The following SCAI variants were observed in gnomAD, a reference collection of about 807,000 sequenced individuals.
The protein encoded by SCAI is protein SCAI.
Under a neutral mutation model 92.2 loss-of-function variants are expected in SCAI, and 24 were observed. The ratio of observed to expected loss-of-function variants is 0.26; its 90% CI spans 0.19 to 0.37. SCAI has a LOEUF of 0.37. SCAI is among the 10% of genes least tolerant of loss of function. The probability of loss-of-function intolerance (pLI) is 1.00; values close to 1 mark genes in which losing one functional copy is unlikely to be tolerated. For missense variants in SCAI, 450 were observed against 736.2 expected (o/e 0.61, Z 4.50); for synonymous variants, 261 against 258.6 (o/e 1.01, Z -0.09).
chr9:125,026,082 C>T (rs190718398), intron 6 of SCAI, among the ~76,000 whole-genome samples: 1 of 152,194 alleles, frequency 6.6e-6, no homozygotes, highest in East Asian at 1.9e-4. Context: ...AATCAAATCA[C>T]AATCCAGGCT....
chr9:125,045,707 C>T (rs576383166), intron 3 of SCAI, among the ~76,000 whole-genome samples: 17 of 152,262 alleles, frequency 1.1e-4, no homozygotes, highest in Admixed American at 9.8e-4. Flanking sequence ...AAAAACTTCT[C>T]GGAAGTAGCA....
chr9:125,139,745 C>T (rs927813885), intron 2 of SCAI, among the ~76,000 whole-genome samples: 9 of 152,174 alleles, frequency 5.9e-5, no homozygotes, highest in Non-Finnish European at 1.2e-4. Flanking sequence ...ATTACAAGAT[C>T]GATTTGCACA....
intron 14 of SCAI, among the ~76,000 whole-genome samples, chr9:124,982,088 T>G (rs183845120): frequency 1.3e-5 from 2 of 152,342 alleles, no homozygotes; most frequent in East Asian, 3.9e-4. Context: ...TTTTCTTTCA[T>G]GTGTGCTAAT....
At chr9:125,097,795 A>G (rs1428089083) in intron 2 of SCAI, among the ~76,000 whole-genome samples, 1 of 151,758 alleles carries the variant, frequency 6.6e-6, no homozygotes, top group African/African-American at 2.4e-5. Context: ...ATTTCAAGGA[A>G]GAAAGATTAC....
intron 2 of SCAI, among the ~76,000 whole-genome samples, chr9:125,127,904 A>G (rs1835311540): frequency 6.6e-6 from 1 of 151,988 alleles, no homozygotes; most frequent in Non-Finnish European, 1.5e-5. Flanking sequence ...GCTACTCGGG[A>G]GGCTGAGACA....
At chr9:124,983,324 G>A (rs1020016536) in intron 14 of SCAI, among the ~76,000 whole-genome samples, 2 of 152,052 alleles carry the variant, frequency 1.3e-5, no homozygotes, top group Non-Finnish European at 2.9e-5. Context: ...TCTATCTTCT[G>A]GAGCTGACAT....
chr9:125,057,155 A>G (rs749318725), intron 2 of SCAI, among the ~76,000 whole-genome samples: 9 of 152,252 alleles, frequency 5.9e-5, no homozygotes, highest in Admixed American at 2.0e-4. Context: ...AGTCACTGAA[A>G]TAATGTGATA....
At chr9:125,049,083 T>A (rs983647532) in intron 3 of SCAI, among the ~76,000 whole-genome samples, 1 of 152,088 alleles carries the variant, frequency 6.6e-6, no homozygotes, top group Non-Finnish European at 1.5e-5. Flanking sequence ...GTAATTATTT[T>A]CATTTAAGAC....
chr9:125,133,594 T>A (rs1174761954), intron 2 of SCAI, among the ~76,000 whole-genome samples: 1 of 152,102 alleles, frequency 6.6e-6, no homozygotes, highest in Non-Finnish European at 1.5e-5. Context: ...AAAACCACAA[T>A]GACACGTACC....
chr9:125,100,361 C>T (rs1384094043), intron 2 of SCAI, among the ~76,000 whole-genome samples: 1 of 152,166 alleles, frequency 6.6e-6, no homozygotes, highest in Non-Finnish European at 1.5e-5. Context: ...TGCATTGAAT[C>T]CTCAAGACAA....
chr9:125,006,226 A>G (rs888749111), intron 9 of SCAI, among the ~76,000 whole-genome samples: 1 of 152,096 alleles, frequency 6.6e-6, no homozygotes, highest in Non-Finnish European at 1.5e-5. Context: ...CATACATAAC[A>G]TGCAAAAGTC....
intron 2 of SCAI, among the ~76,000 whole-genome samples, chr9:125,061,904 T>C (rs942860486): frequency 6.6e-6 from 1 of 151,792 alleles, no homozygotes; most frequent in Non-Finnish European, 1.5e-5. Flanking sequence ...GAAAAAAATA[T>C]AGAGCAAGGG....
chr9:125,093,567 C>CT (rs761646048), intron 2 of SCAI, among the ~76,000 whole-genome samples: 7,125 of 137,170 alleles, frequency 0.052, 364 homozygotes, highest in African/African-American at 0.13. Flanking sequence ...ATGACACCTC[C>CT]TTTTTTTTTT....
At chr9:125,048,274 A>C (rs1216702770) in intron 3 of SCAI, among the ~76,000 whole-genome samples, 2 of 152,044 alleles carry the variant, frequency 1.3e-5, no homozygotes, top group African/African-American at 4.8e-5. Context: ...CACTATGCCC[A>C]GCCTAGTCAA....
In SCAI at chr9:124,952,584, AAAAT is replaced by A. The variant is rs1480993520; in HGVS notation, c.*219_*222del. 2 of 415,384 alleles carry A rather than the reference AAAAT, an allele frequency of 4.8e-6. No homozygotes were observed. The highest frequency in any genetic ancestry group is 8.5e-6 in the Non-Finnish European group (2 of 236,626). 25.7% of individuals were successfully genotyped at this position (415,384 alleles called of 1,614,324 possible). On this transcript the variant is annotated 3_prime_UTR_variant, in exon 18 of 18. Coordinates refer to ENST00000336505, the MANE Select transcript of SCAI (RefSeq NM_001144877.3). ...GTAAATATCCATCCCTCAAAATCAA[AAAAT>A]AAAAATTCCAAGGTTAAGATTTTAA...
chr9:125,071,573 T>C (rs1195590647), intron 2 of SCAI, among the ~76,000 whole-genome samples: 1 of 152,168 alleles, frequency 6.6e-6, no homozygotes, highest in Non-Finnish European at 1.5e-5. Context: ...CAGAAGGCCA[T>C]TTGTAAAATA....
chr9:125,007,195 A>G (rs1280943377), intron 9 of SCAI, among the ~76,000 whole-genome samples: 2 of 152,174 alleles, frequency 1.3e-5, no homozygotes, highest in Admixed American at 6.5e-5. Context: ...GATATATAGT[A>G]ATTATAAATA....
chr9:125,109,120 A>G (rs1588230563), intron 2 of SCAI, among the ~76,000 whole-genome samples: 1 of 152,344 alleles, frequency 6.6e-6, no homozygotes, highest in East Asian at 1.9e-4. Flanking sequence ...GATTAAGGGC[A>G]GTGCAAGATG....
chr9:124,984,858 T>C (rs1171418549), intron 14 of SCAI, among the ~76,000 whole-genome samples: 2 of 151,708 alleles, frequency 1.3e-5, no homozygotes, highest in Admixed American at 1.3e-4. Context: ...CAGCTGTAGG[T>C]GGAAAAGAAC....
Sources: gnomAD v4.1 joint callset for allele counts (sites outside exome capture counted in the v4.1 genomes callset) on GRCh38, gnomAD v4.1.1 for gene constraint, MANE v1.5 for transcripts, NCBI Gene and HGNC (gene_info 2026-07-23, HGNC 2026-07-21) for gene names.